Variants in TFEC observed in about 807,000 individuals in gnomAD.
TFEC encodes the protein transcription factor EC.
TFEC carries 31 observed loss-of-function variants against 41.6 expected under a neutral mutation model. The ratio of observed to expected loss-of-function variants is 0.74; its 90% CI spans 0.56 to 1.01. The LOEUF is 1.01. TFEC is among the 50% of genes least tolerant of loss of function. The pLI is 0.00. For synonymous variants in TFEC, 143 were observed against 140.6 expected, an observed-to-expected ratio of 1.02 and a Z score of -0.12; for missense variants, 402 against 404.1, an observed-to-expected ratio of 0.99 and a Z score of 0.04.
At chr7:116,055,668 A>C (rs1584460876) in intron 3 of TFEC, among the ~76,000 whole-genome samples, 2 of 152,148 alleles carry the variant, frequency 1.3e-5, no homozygotes, top group Middle Eastern at 3.5e-3. Flanking sequence ...ATGATATTTC[A>C]AAGTAATTTT....
At chr7:116,044,236 T>A (rs114010607) in intron 3 of TFEC, among the ~76,000 whole-genome samples, 105 of 152,276 alleles carry the variant, frequency 6.9e-4, no homozygotes, top group African/African-American at 2.4e-3. Context: ...CTCCTATGCA[T>A]ATCCTTCGTC....
At chr7:116,029,929 G>T (rs1031230955) in intron 1 of TFEC, among the ~76,000 whole-genome samples, 2 of 151,798 alleles carry the variant, frequency 1.3e-5, no homozygotes, top group Non-Finnish European at 2.9e-5. Flanking sequence ...AGCCAGGTGT[G>T]GTGGCGCATG....
At chr7:116,091,789 T>C (rs1211316690) in intron 3 of TFEC, among the ~76,000 whole-genome samples, 1 of 152,088 alleles carries the variant, frequency 6.6e-6, no homozygotes, top group African/African-American at 2.4e-5. Flanking sequence ...TTTATAAACA[T>C]GTGCTTAGTT....
At chr7:116,140,364 T>C (rs908058439) in intron 1 of TFEC, among the ~76,000 whole-genome samples, 41 of 152,234 alleles carry the variant, frequency 2.7e-4, no homozygotes, top group African/African-American at 7.7e-4. Flanking sequence ...TTCTGTTTAG[T>C]ATTCCACAGA....
At chr7:116,046,694 G>T (rs544555879) in intron 3 of TFEC, among the ~76,000 whole-genome samples, 1 of 152,146 alleles carries the variant, frequency 6.6e-6, no homozygotes, top group Non-Finnish European at 1.5e-5. Flanking sequence ...GTTTTATACC[G>T]TAAGTTCTAA....
At chr7:116,064,522 T>G (rs983267338) in intron 3 of TFEC, among the ~76,000 whole-genome samples, 1 of 151,804 alleles carries the variant, frequency 6.6e-6, no homozygotes, top group Non-Finnish European at 1.5e-5. Context: ...CAATGGCAGT[T>G]TTGGAAACTG....
At chr7:116,020,163 T>C (rs955479285) in intron 1 of TFEC, among the ~76,000 whole-genome samples, 3 of 152,176 alleles carry the variant, frequency 2.0e-5, no homozygotes, top group African/African-American at 7.2e-5. Context: ...AGCAAAACGA[T>C]AATTCAAATC....
intron 2 of TFEC, among the ~76,000 whole-genome samples, chr7:115,978,011 T>G (rs949455806): frequency 6.6e-6 from 1 of 152,016 alleles, no homozygotes; most frequent in African/African-American, 2.4e-5. Context: ...ACGGAAAGCA[T>G]AGTAACTTAA....
At chr7:115,972,830 C>G (rs933591163) in intron 3 of TFEC, among the ~76,000 whole-genome samples, 13 of 151,896 alleles carry the variant, frequency 8.6e-5, no homozygotes, top group Admixed American at 8.6e-4. Flanking sequence ...GATAATTTGA[C>G]AGAGAATGTT....
intron 1 of TFEC, among the ~76,000 whole-genome samples, chr7:115,996,698 C>T (rs1184374766): frequency 6.6e-6 from 1 of 151,876 alleles, no homozygotes; most frequent in East Asian, 1.9e-4. Flanking sequence ...AGAGGGAAGC[C>T]CACTGCACTA....
At chr7:115,978,618 A>T (rs1793490239) in intron 2 of TFEC, among the ~76,000 whole-genome samples, 1 of 152,164 alleles carries the variant, frequency 6.6e-6, no homozygotes, top group South Asian at 2.1e-4. Flanking sequence ...TTAACTCTGA[A>T]TTCAAAATAG....
At chr7:116,021,494 T>C (rs1795393189) in intron 1 of TFEC, among the ~76,000 whole-genome samples, 1 of 152,162 alleles carries the variant, frequency 6.6e-6, no homozygotes. Flanking sequence ...TTGTCAGCTC[T>C]AGCAAGCAAT....
In TFEC at chr7:115,937,723, A is replaced by G. The variant is rs1197196780; in HGVS notation, c.*2828T>C. 1 of 151,762 alleles carries G rather than the reference A, an allele frequency of 6.6e-6. No individual in the cohort carries two copies. The highest frequency in any genetic ancestry group is 1.9e-4 in the East Asian group (1 of 5,174). 9.4% of individuals were successfully genotyped at this position (151,762 alleles called of 1,614,324 possible). A position where few individuals can be genotyped will look rare whatever the true frequency, so the allele number is the denominator to read the frequency against. ...AGGATTGGGATAATTATATTTAGAT[A>G]AGTAAGGGTCCCCCCATTGTTATAC... On this transcript the variant is annotated 3_prime_UTR_variant, in exon 8 of 8. Coordinates refer to ENST00000265440, the MANE Select transcript of TFEC (RefSeq NM_012252.4).
At chr7:115,975,856 G>A (rs1316660758) in intron 2 of TFEC, among the ~76,000 whole-genome samples, 1 of 152,144 alleles carries the variant, frequency 6.6e-6, no homozygotes, top group African/African-American at 2.4e-5. Flanking sequence ...GTTTGAGAAA[G>A]AATGAGCACT....
At chr7:115,995,082 C>A (rs1794300710) in intron 1 of TFEC, among the ~76,000 whole-genome samples, 1 of 151,630 alleles carries the variant, frequency 6.6e-6, no homozygotes, top group Admixed American at 6.6e-5. Context: ...TCATTCTGAG[C>A]AAACTATTTC....
In TFEC at chr7:115,974,228, C is replaced by T. The variant is rs776629112; in HGVS notation, c.209G>A (p.Gly70Asp). The T allele has an allele frequency of 7.5e-6, 12 of 1,591,604 alleles. No individual in the cohort carries two copies. Among genetic ancestry groups the T allele is most frequent in the Non-Finnish European group, 1.0e-5 (12 of 1,170,232 alleles). Residue 70 changes from glycine (G) to aspartate (D), a missense_variant, in exon 3 of 8, where the codon GGT (glycine) becomes GAT (aspartate). By Grantham distance (94) the Gly-to-Asp change is moderately conservative. Transcript: ENST00000265440. The part of the protein sequence containing the change: ...HMEDVIEDII[G>D]MESSFKEEGA... ...TTCCTCTTTAAAACTTGATTCCATACCGATTATATCCTCAATAACGTCCTC... is the reference window on the plus strand; with the variant it reads ...TTCCTCTTTAAAACTTGATTCCATATCGATTATATCCTCAATAACGTCCTC...
chr7:115,997,425 C>T (rs534219437), intron 1 of TFEC, among the ~76,000 whole-genome samples: 1 of 152,212 alleles, frequency 6.6e-6, no homozygotes, highest in Non-Finnish European at 1.5e-5. Flanking sequence ...TGACCAAGAA[C>T]TTAGATTACA....
At position 116,110,695 on chromosome 7, in the gene TFEC, T is replaced by C. The variant is rs1038162904; in HGVS notation, c.198+13A>G. 1.8e-5 allele frequency: 26 copies of C among 1,441,446 alleles called. No homozygotes were observed. The African/African-American group carries it at 3.5e-4, about 19-fold the overall frequency. 89.3% of individuals were successfully genotyped at this position (1,441,446 alleles called of 1,614,324 possible). On this transcript the variant is annotated intron_variant, in intron 3 of 8. Transcript: ENST00000484212. ...CTTAGAAATTACGGCTGTATATGTA[T>C]ACAGATACATACCCTGGTAAAGGAT...
At chr7:116,081,342 A>C (rs763619416) in intron 3 of TFEC, among the ~76,000 whole-genome samples, 1 of 151,952 alleles carries the variant, frequency 6.6e-6, no homozygotes, top group Non-Finnish European at 1.5e-5. Flanking sequence ...ATCTTCCCAC[A>C]AAGAAATATT....
Sources: allele counts gnomAD v4.1 joint callset (sites outside exome capture counted in the v4.1 genomes callset), GRCh38; gene constraint gnomAD v4.1.1; transcripts MANE v1.5; gene names NCBI Gene and HGNC (gene_info 2026-07-23, HGNC 2026-07-21).